The following INTS1 variants were observed in gnomAD, a reference collection of about 807,000 sequenced individuals.
INTS1 encodes the protein integrator complex subunit 1.
A neutral mutation model predicts 241.6 loss-of-function variants in INTS1; 137 were observed. The ratio of observed to expected loss-of-function variants is 0.57; its 90% CI spans 0.49 to 0.65. INTS1 has a LOEUF of 0.65. INTS1 is among the 30% of genes least tolerant of loss of function. The pLI is 0.00. For missense variants in INTS1, 3,073 were observed against 3,032.2 expected, an observed-to-expected ratio of 1.01 and a Z score of -0.32; for synonymous variants, 1,692 against 1,337.8, an observed-to-expected ratio of 1.26 and a Z score of -5.78.
intron 30 of INTS1, 41 bp from the exon 31 acceptor site, chr7:1,479,725 AAGG>A (rs1562492983): frequency 4.2e-6 from 6 of 1,422,846 alleles, no homozygotes; most frequent in African/African-American, 1.5e-5. Flanking sequence ...AGCGGAGGAG[AAGG>A]AGGAGGAGCG....
chr7:1,476,967 G>A (rs1225979240), intron 35 of INTS1, 49 bp from the exon 36 acceptor site: 4 of 1,574,610 alleles, frequency 2.5e-6, no homozygotes, highest in East Asian at 2.3e-5. Flanking sequence ...GCCAATGGCA[G>A]GCTCTGCTGA....
rs773685987 is a variant in INTS1 at position 1,493,915 on chromosome 7, C to T, written c.1911-4G>A. 3.9e-6 allele frequency: 6 copies of T among 1,557,036 alleles called. No individual in the cohort carries two copies. Among genetic ancestry groups the T allele is most frequent in the East Asian group, 2.4e-5 (1 of 41,306 alleles). On this transcript the variant is annotated splice_polypyrimidine_tract_variant and splice_region_variant and intron_variant, in intron 14 of 47. Coordinates refer to ENST00000404767, the MANE Select transcript of INTS1 (RefSeq NM_001080453.3). The surrounding 1 kb of genome is among the most constrained non-coding windows in gnomAD (Gnocchi z 5.3). ...GGAGCACAGACGCAGGAAGAAGCTG[C>T]GGGGTGGGGGAGGCATGACTCGGTG...
rs145234276 is a variant in INTS1 at position 1,475,595 on chromosome 7, C to T, written c.5502+353G>A. 2.4e-3 allele frequency among the ~76,000 whole-genome samples: 372 copies of T among 152,250 alleles called. 1 individual carries two copies. Among genetic ancestry groups the T allele is most frequent in the African/African-American group, 8.5e-3 (352 of 41,558 alleles). ...GTCACTGGAGAGGAGCAGACGCAGC[C>T]GTCCGCCAAGACCCGGGCACGAGTC... is the stretch of plus-strand genomic sequence containing the variant. On this transcript the variant is annotated intron_variant, in intron 39 of 47. Coordinates refer to ENST00000404767, the MANE Select transcript of INTS1 (RefSeq NM_001080453.3).
At chr7:1,498,618 C>G (rs1782978210) in intron 9 of INTS1, 65 bp from the exon 10 acceptor site, 1 of 1,584,532 alleles carries the variant, frequency 6.3e-7, no homozygotes, top group African/African-American at 1.4e-5. Context: ...GCCTGTGCCC[C>G]CACTCCGCCC....
Position 1,493,859 on chromosome 7 carries a change from G to A in INTS1, c.1963C>T (p.Arg655Cys). 6.4e-7 allele frequency: 1 copy of A among 1,566,598 alleles called. No homozygotes were observed. The highest frequency in any genetic ancestry group is 8.6e-7 in the Non-Finnish European group (1 of 1,156,520). ...EVPILEDTLM[R>C]ILVIGLSREL... is the part of the protein sequence containing the mutation. ...CGGGACAGCCCGATGACCAGGATGC[G>A]CATCAGCGTGTCCTCCAAAATGGGC... The change falls in exon 15 of 48, where the codon CGC becomes TGC. Residue 655 changes from arginine to cysteine, a missense_variant. Transcript: ENST00000404767. This position sits in a 1 kb window ranked among gnomAD's most constrained non-coding sequence, Gnocchi z 5.3.
Position 1,481,136 on chromosome 7 carries a change from C to T in INTS1, c.3851-203G>A. 1 of 730,450 alleles carries T rather than the reference C, an allele frequency of 1.4e-6. No individual in the cohort carries two copies. The highest frequency in any genetic ancestry group is 1.7e-5 in the South Asian group (1 of 60,254). The allele number at this position is 730,450 out of a possible 1,614,324, so 45.2% of individuals were successfully genotyped here. A position where few individuals can be genotyped will look rare whatever the true frequency, so the allele number is the denominator to read the frequency against. On this transcript the variant is annotated intron_variant, in intron 28 of 47. Coordinates refer to ENST00000404767, the MANE Select transcript of INTS1 (RefSeq NM_001080453.3). This position sits in a 1 kb window ranked among gnomAD's most constrained non-coding sequence, Gnocchi z 6.8. ...AACACGGCCCTAGGGGGTGCCTGGC[C>T]CCAGGGTTGGGGCAGGCCCAGGCCT...
intron 42 of INTS1, 23 bp downstream of exon 42, chr7:1,473,543 C>T: frequency 6.4e-7 from 1 of 1,571,668 alleles, no homozygotes; most frequent in Non-Finnish European, 8.6e-7. Flanking sequence ...CCCGAGGCTT[C>T]CCTGCAGCCC....
intron 31 of INTS1, 49 bp downstream of exon 31, chr7:1,479,381 C>T: frequency 1.3e-6 from 2 of 1,534,986 alleles, no homozygotes; most frequent in Non-Finnish European, 1.8e-6. Context: ...CTGCGGGAGG[C>T]AGAGCCCTCA....
chr7:1,484,230 G>A (rs945152203), intron 24 of INTS1, 60 bp from the exon 25 acceptor site: 28 of 1,537,826 alleles, frequency 1.8e-5, no homozygotes, highest in East Asian at 4.6e-5. Context: ...CCGGCCAGCT[G>A]GGGTGACCTC....
intron 16 of INTS1, among the ~76,000 whole-genome samples, 182 bp downstream of exon 16, chr7:1,492,828 C>T (rs1308053299): frequency 1.3e-5 from 2 of 149,780 alleles, no homozygotes; most frequent in Admixed American, 1.3e-4. Context: ...GGGGCGCGGG[C>T]TTACCCGGGC....
Position 1,471,640 on chromosome 7 carries a change from A to T in INTS1, c.6186T>A (p.Asp2062Glu). Residue 2062 changes from aspartate (D) to glutamate (E), a missense_variant and splice_region_variant, in exon 45 of 48, where the codon GAT (aspartate) becomes GAA (glutamate). Transcript: ENST00000404767. ...KRLSRGQTVE[D>E]LLEVLSDIDE... ...CTATGTCACTCAGAACCTCCAGCAG[A>T]TCTGACACAGAGAGAGGGCCAGACC... is the stretch of plus-strand genomic sequence containing the variant. 1 of 1,612,078 alleles carries T rather than the reference A, an allele frequency of 6.2e-7. No individual in the cohort carries two copies. The highest frequency in any genetic ancestry group is 8.5e-7 in the Non-Finnish European group (1 of 1,179,702).
chr7:1,474,911 CCAGCTGTGGCCGT>C, intron 39 of INTS1, 73 bp from the exon 40 acceptor site: 11 of 1,508,742 alleles, frequency 7.3e-6, no homozygotes, highest in Non-Finnish European at 9.8e-6. Context: ...AGCCTGGCCG[CCAGCTGTGGCCGT>C]GATCCACCGC....
rs778927436 is a variant in INTS1 at position 1,478,420 on chromosome 7, C to G, written c.4576G>C (p.Ala1526Pro). The G allele has an allele frequency of 3.7e-6, 6 of 1,612,640 alleles. No individual in the cohort carries two copies. The highest frequency in any genetic ancestry group is 4.2e-6 in the Non-Finnish European group (5 of 1,179,800). Reference protein sequence around the residue: ...VVSSTVRAVIATLRSGEQCSV... With the variant: ...VVSSTVRAVIPTLRSGEQCSV... ...CACTGCTCCCCAGACCTCAGGGTGG[C>G]GATGACGGCACGGACGGTGGAGCTG... is the stretch of plus-strand genomic sequence containing the variant. The change falls in exon 33 of 48, where the codon GCC becomes CCC. Residue 1526 changes from alanine to proline, a missense_variant. Transcript: ENST00000404767.
At chr7:1,499,750 A>C in intron 5 of INTS1, 118 bp from the exon 6 acceptor site, 1 of 1,468,570 alleles carries the variant, frequency 6.8e-7, no homozygotes. Context: ...TTCTGGGTGC[A>C]GCAGGGACCG....
intron 14 of INTS1, 108 bp downstream of exon 14, chr7:1,494,708 T>C (rs1028267378): frequency 5.6e-6 from 6 of 1,080,050 alleles, no homozygotes; most frequent in African/African-American, 3.1e-5. Context: ...GCTGTGACCA[T>C]GGGAACAGCC....
At chr7:1,502,668 A>G (rs1202347947) in intron 3 of INTS1, among the ~76,000 whole-genome samples, 1 of 152,188 alleles carries the variant, frequency 6.6e-6, no homozygotes, top group Admixed American at 6.5e-5. Flanking sequence ...CAACTCAATA[A>G]GGGAGTGACC....
At position 1,477,838 on chromosome 7, in the gene INTS1, A is replaced by G. The variant is rs1330432442; in HGVS notation, c.4729T>C (p.Cys1577Arg). The G allele has an allele frequency of 1.2e-6, 2 of 1,612,484 alleles. No individual in the cohort carries two copies. Among genetic ancestry groups the G allele is most frequent in the East Asian group, 4.5e-5 (2 of 44,894 alleles). Residue 1577 changes from cysteine to arginine, a missense_variant, in exon 34 of 48, where the codon TGT becomes CGT. Transcript: ENST00000404767. ...GAGCTCACCACCACAACGGGCTTAC[A>G]GGCTGGAAACGGGGAGGCAGCATCC... ...TADAASPFPA[C>R]KPVVVVSSLL...
rs1782898831 is a variant in INTS1, at chr7:1,497,071, A to T, written c.1602+67T>A. 6.8e-7 allele frequency: 1 copy of T among 1,466,018 alleles called. No individual in the cohort carries two copies. The highest frequency in any genetic ancestry group is 1.4e-5 in the African/African-American group (1 of 71,672). The allele number at this position is 1,466,018 out of a possible 1,614,324, so 90.8% of individuals were successfully genotyped here. A position where few individuals can be genotyped will look rare whatever the true frequency, so the allele number is the denominator to read the frequency against. Reference sequence around the variant, plus strand: ...GGGTGGAGTGTGCATGGGACCCAGGACGAGGGGGATGGCGGCGCGTGGAAC... The same window carrying T: ...GGGTGGAGTGTGCATGGGACCCAGGTCGAGGGGGATGGCGGCGCGTGGAAC... On this transcript the variant is annotated intron_variant, in intron 11 of 47. Coordinates refer to ENST00000404767, the MANE Select transcript of INTS1 (RefSeq NM_001080453.3). The surrounding 1 kb of genome is among the most constrained non-coding windows in gnomAD (Gnocchi z 5.3).
Position 1,476,437 on chromosome 7 carries a change from C to A in INTS1, c.5170G>T (p.Val1724Leu), listed in dbSNP as rs1193962193. ...RTPQKRREEL[V>L]LRVQGPELIS... Reference sequence around the variant, plus strand: ...AGCTCCGGGCCCTGGACCCGCAGCACCAGCTCCTCCCGCCGCTTCTGTAAC... The same window carrying A: ...AGCTCCGGGCCCTGGACCCGCAGCAACAGCTCCTCCCGCCGCTTCTGTAAC... Residue 1724 changes from valine to leucine, a missense_variant, in exon 38 of 48, where the codon GTG becomes TTG. Coordinates refer to ENST00000404767, the MANE Select transcript of INTS1 (RefSeq NM_001080453.3). 3.2e-6 allele frequency: 5 copies of A among 1,565,058 alleles called. No individual in the cohort carries two copies. The highest frequency in any genetic ancestry group is 4.3e-6 in the Non-Finnish European group (5 of 1,160,290).
Sources: gnomAD v4.1 joint callset for allele counts (sites outside exome capture counted in the v4.1 genomes callset) on GRCh38, gnomAD v4.1.1 for gene constraint, Gnocchi (gnomAD v3.1) non-coding constraint, MANE v1.5 for transcripts, NCBI Gene and HGNC (gene_info 2026-07-23, HGNC 2026-07-21) for gene names.